Variants in DGKI observed in about 807,000 individuals in gnomAD.
The protein encoded by DGKI is DAG kinase iota.
Under a neutral mutation model 147.5 loss-of-function variants are expected in DGKI, and 55 were observed. The ratio of observed to expected loss-of-function variants is 0.37; its 90% CI spans 0.30 to 0.47. DGKI has a LOEUF of 0.47. Among genes scored for constraint, DGKI ranks in the 20% least tolerant of loss-of-function variants. The probability of loss-of-function intolerance (pLI) is 1.00; values close to 1 mark genes in which losing one functional copy is unlikely to be tolerated. For missense variants in DGKI, 1,007 were observed against 1,323.8 expected (o/e 0.76, Z 3.71); for synonymous variants, 469 against 477.1 (o/e 0.98, Z 0.22).
chr7:137,554,830 T>C (rs566241007), intron 19 of DGKI, among the ~76,000 whole-genome samples: 47 of 151,808 alleles, frequency 3.1e-4, no homozygotes, highest in African/African-American at 1.1e-3. Context: ...CAAGAGATCA[T>C]CTGCTTGTGT....
At chr7:137,504,715 C>T (rs564357370) in intron 21 of DGKI, among the ~76,000 whole-genome samples, 2 of 152,048 alleles carry the variant, frequency 1.3e-5, no homozygotes, top group Admixed American at 6.6e-5. Flanking sequence ...TTTAATCAAC[C>T]TATGCATAGT....
chr7:137,399,079 C>G (rs1431557676), intron 30 of DGKI, among the ~76,000 whole-genome samples: 1 of 151,208 alleles, frequency 6.6e-6, no homozygotes, highest in Non-Finnish European at 1.5e-5. Context: ...CCAGCTCTCC[C>G]TATCCAGAAC....
chr7:137,790,446 G>C (rs1306902752), intron 1 of DGKI, among the ~76,000 whole-genome samples: 1 of 152,186 alleles, frequency 6.6e-6, no homozygotes, highest in Non-Finnish European at 1.5e-5. Flanking sequence ...AAAGCCATCT[G>C]TCAAAGAAGG....
At chr7:137,640,350 G>A (rs183956440) in intron 6 of DGKI, among the ~76,000 whole-genome samples, 52 of 152,246 alleles carry the variant, frequency 3.4e-4, no homozygotes, top group Admixed American at 2.7e-3. Flanking sequence ...ACTCAGCCAA[G>A]GAGAGAAGGG....
Position 137,789,640 on chromosome 7 carries a change from G to T in DGKI, c.401+56822C>A, listed in dbSNP as rs374093506. Among the ~76,000 whole-genome samples the T allele has an allele frequency of 7.2e-5, 11 of 152,114 alleles. No individual in the cohort carries two copies. The East Asian group carries it at 9.6e-4, about 13-fold the overall frequency. ...GGAAAAAAAAACACACAAAACATCA[G>T]CTGGAACACTTGGCTGCCTGAATGG... On this transcript the variant is annotated intron_variant, in intron 1 of 32. Transcript: ENST00000614521.
At chr7:137,588,441 A>G in intron 12 of DGKI, among the ~76,000 whole-genome samples, 1 of 150,756 alleles carries the variant, frequency 6.6e-6, no homozygotes, top group African/African-American at 2.4e-5. Context: ...GCTCTCCAGG[A>G]GTTCACAGTA....
At chr7:137,838,310 G>A (rs140584508) in intron 1 of DGKI, among the ~76,000 whole-genome samples, 1 of 152,122 alleles carries the variant, frequency 6.6e-6, no homozygotes, top group Non-Finnish European at 1.5e-5. Context: ...TAAAGAGAAT[G>A]CTTTCAGTCT....
At chr7:137,722,686 G>A (rs368919562) in intron 1 of DGKI, 150 of 1,576,308 alleles carry the variant, frequency 9.5e-5, no homozygotes, top group African/African-American at 3.5e-4. Context: ...TGAGATCTTC[G>A]ACACAGAAAA....
chr7:137,484,879 G>A (rs1563047591), intron 23 of DGKI, among the ~76,000 whole-genome samples: 1 of 151,916 alleles, frequency 6.6e-6, no homozygotes, highest in Non-Finnish European at 1.5e-5. Context: ...TTTTTCAGGA[G>A]ATGATGGAAA....
At chr7:137,625,966 T>C (rs1379538057) in intron 6 of DGKI, among the ~76,000 whole-genome samples, 1 of 152,160 alleles carries the variant, frequency 6.6e-6, no homozygotes, top group Non-Finnish European at 1.5e-5. Context: ...ATAAAAACCC[T>C]GGACACTGAG....
intron 7 of DGKI, among the ~76,000 whole-genome samples, chr7:137,623,261 C>T (rs2128998535): frequency 6.6e-6 from 1 of 152,302 alleles, no homozygotes; most frequent in South Asian, 2.1e-4. Flanking sequence ...CTTTAATGTA[C>T]ATAAAATATA....
chr7:137,812,963 C>T (rs188035248), intron 1 of DGKI, among the ~76,000 whole-genome samples: 48 of 152,248 alleles, frequency 3.2e-4, no homozygotes, highest in African/African-American at 1.1e-3. Context: ...GCATCAGTTG[C>T]GAGAACAGCA....
In DGKI at chr7:137,597,911, T is replaced by C. The variant is rs369977425; in HGVS notation, c.1251-4A>G. 1.9e-6 allele frequency: 3 copies of C among 1,612,240 alleles called. No individual in the cohort carries two copies. The highest frequency in any genetic ancestry group is 2.5e-6 in the Non-Finnish European group (3 of 1,179,008). On this transcript the variant is annotated splice_region_variant and splice_polypyrimidine_tract_variant and intron_variant, in intron 11 of 32. Transcript: ENST00000614521. Reference sequence around the variant, plus strand: ...TACTTTCCTATACAATTCAAGCCTGTAGAGGAAATAGAAGAAAAAGTAAAC... The same window carrying C: ...TACTTTCCTATACAATTCAAGCCTGCAGAGGAAATAGAAGAAAAAGTAAAC...
intron 19 of DGKI, among the ~76,000 whole-genome samples, chr7:137,565,442 C>G (rs145152158): frequency 6.6e-6 from 1 of 152,054 alleles, no homozygotes; most frequent in East Asian, 1.9e-4. Context: ...TTTCTTAAAA[C>G]AAAGATATAT....
At chr7:137,719,528 A>G (rs1216077305) in intron 1 of DGKI, among the ~76,000 whole-genome samples, 2 of 152,042 alleles carry the variant, frequency 1.3e-5, no homozygotes, top group African/African-American at 4.8e-5. Flanking sequence ...TCACAAATGA[A>G]GTACTCGACG....
intron 8 of DGKI, among the ~76,000 whole-genome samples, chr7:137,610,087 A>C (rs1026974061): frequency 6.6e-6 from 1 of 150,788 alleles, no homozygotes; most frequent in Non-Finnish European, 1.5e-5. Flanking sequence ...CTCTTTTGGT[A>C]ATGATCTTTT....
chr7:137,666,684 T>C (rs1034981666), intron 3 of DGKI, among the ~76,000 whole-genome samples: 3 of 152,154 alleles, frequency 2.0e-5, no homozygotes, highest in Non-Finnish European at 4.4e-5. Context: ...CGGAGAGTCA[T>C]GGGGAATGAT....
intron 21 of DGKI, among the ~76,000 whole-genome samples, 180 bp from the exon 22 acceptor site, chr7:137,487,869 G>A (rs1322489065): frequency 6.6e-6 from 1 of 151,942 alleles, no homozygotes; most frequent in East Asian, 1.9e-4. Flanking sequence ...GTCTCTTCTT[G>A]TTTGCAGTTG....
intron 21 of DGKI, among the ~76,000 whole-genome samples, chr7:137,506,985 G>C (rs1217094035): frequency 1.3e-5 from 2 of 152,104 alleles, no homozygotes; most frequent in Admixed American, 6.6e-5. Flanking sequence ...CTTGATGGCT[G>C]ATAAGAATTA....
Sources: allele counts gnomAD v4.1 joint callset (sites outside exome capture counted in the v4.1 genomes callset), GRCh38; gene constraint gnomAD v4.1.1; transcripts MANE v1.5; gene names NCBI Gene and HGNC (gene_info 2026-07-23, HGNC 2026-07-21).